The following DMXL1 variants were observed in gnomAD, a reference collection of about 807,000 sequenced individuals.
The protein encoded by DMXL1 is dmX-like protein 1.
DMXL1 carries 99 observed loss-of-function variants against 319.2 expected under a neutral mutation model. The ratio of observed to expected loss-of-function variants is 0.31; its 90% CI spans 0.26 to 0.37. The LOEUF (loss-of-function observed/expected upper bound fraction) is 0.37, where lower values mean the gene tolerates loss of function less well. DMXL1 is among the 10% of genes least tolerant of loss of function. DMXL1 has a pLI of 1.00. For synonymous variants in DMXL1, 1,385 were observed against 1,235.2 expected (o/e 1.12, Z -2.54); for missense variants, 3,745 against 3,595.6 (o/e 1.04, Z -1.06).
intron 1 of DMXL1, among the ~76,000 whole-genome samples, chr5:119,088,594 A>C (rs981689515): frequency 6.6e-6 from 1 of 152,120 alleles, no homozygotes; most frequent in Non-Finnish European, 1.5e-5. Flanking sequence ...CTTTGTGGTT[A>C]AATGCTCTTC....
chr5:119,240,667 AG>A (rs1414331492), intron 42 of DMXL1, among the ~76,000 whole-genome samples, 196 bp downstream of exon 42: 1 of 152,196 alleles, frequency 6.6e-6, no homozygotes, highest in Admixed American at 6.5e-5. Flanking sequence ...GATGGGGGAC[AG>A]TGAGACATCG....
intron 38 of DMXL1, among the ~76,000 whole-genome samples, chr5:119,230,432 T>G (rs1786462866): frequency 6.6e-6 from 1 of 152,238 alleles, no homozygotes. Flanking sequence ...TATTAAAAAT[T>G]AATTTTGACA....
At chr5:119,238,406 T>C (rs1020445599) in intron 40 of DMXL1, among the ~76,000 whole-genome samples, 1 of 152,122 alleles carries the variant, frequency 6.6e-6, no homozygotes, top group Non-Finnish European at 1.5e-5. Context: ...ACCTCATAAT[T>C]AAGTGTACTG....
In DMXL1 at chr5:119,121,030, G is replaced by A. The variant is rs201572406; in HGVS notation, c.993G>A (p.Thr331=). 2.7e-5 allele frequency: 44 copies of A among 1,613,344 alleles called. No individual in the cohort carries two copies. Among genetic ancestry groups the A allele is most frequent in the South Asian group, 6.6e-5 (6 of 90,990 alleles). ...RRRSLALVAH[T]GYLPHQQDPH... ...GATCACTTGCTCTTGTAGCACATACGGGATATCTACCACATCAGCAGGATC... is the reference window on the plus strand; with the variant it reads ...GATCACTTGCTCTTGTAGCACATACAGGATATCTACCACATCAGCAGGATC... Residue 331 remains threonine (T), a synonymous_variant, in exon 9 of 44, where the codon ACG becomes ACA. Transcript: ENST00000539542.
chr5:119,129,189 T>G, intron 9 of DMXL1, 22 bp from the exon 10 acceptor site: 1 of 1,486,332 alleles, frequency 6.7e-7, no homozygotes, highest in African/African-American at 1.4e-5. Context: ...AATTTTAATT[T>G]TATCTTTTTT....
At chr5:119,155,954 A>G (rs548344687) in intron 19 of DMXL1, among the ~76,000 whole-genome samples, 1 of 152,310 alleles carries the variant, frequency 6.6e-6, no homozygotes, top group African/African-American at 2.4e-5. Flanking sequence ...TTGAAATGAC[A>G]ACAAAGGATT....
intron 34 of DMXL1, among the ~76,000 whole-genome samples, chr5:119,215,969 G>A (rs1335066978): frequency 6.6e-6 from 1 of 151,700 alleles, no homozygotes; most frequent in Non-Finnish European, 1.5e-5. Flanking sequence ...GGTGGCAGGT[G>A]CCTGTAATCC....
At chr5:119,218,711 G>A (rs1784131053) in intron 35 of DMXL1, among the ~76,000 whole-genome samples, 1 of 152,058 alleles carries the variant, frequency 6.6e-6, no homozygotes, top group Non-Finnish European at 1.5e-5. Flanking sequence ...CGCCTGCCTC[G>A]GCCTCCCAAA....
chr5:119,173,608 C>T (rs929757292), intron 25 of DMXL1, among the ~76,000 whole-genome samples: 3 of 150,194 alleles, frequency 2.0e-5, no homozygotes, highest in African/African-American at 7.4e-5. Context: ...TGTATCTCAT[C>T]CTCCAGCAGG....
At chr5:119,071,705 CATT>C in intron 1 of DMXL1, 49 bp downstream of exon 1, 1 of 1,486,352 alleles carries the variant, frequency 6.7e-7, no homozygotes, top group Non-Finnish European at 9.1e-7. Context: ...CTTTGCCCGT[CATT>C]CTGGGCCGAG....
In DMXL1 at chr5:119,220,990, A is replaced by C; in HGVS notation, c.8186A>C (p.Gln2729Pro). ...IHARDDLTAV[Q>P]GTTPYTHSNP... ...GCTCGTGATGATTTAACAGCTGTTC[A>C]AGGTACAACTCCATATACACATAGC... The change falls in exon 37 of 44, where the codon CAA becomes CCA. Residue 2729 changes from glutamine (Q) to proline (P), a missense_variant. Coordinates refer to ENST00000539542, the MANE Select transcript of DMXL1 (RefSeq NM_001290321.3). 2 of 1,613,852 alleles carry C rather than the reference A, an allele frequency of 1.2e-6. No individual in the cohort carries two copies. The highest frequency in any genetic ancestry group is 8.5e-7 in the Non-Finnish European group (1 of 1,179,794).
At chr5:119,209,440 C>T (rs1782353403) in intron 34 of DMXL1, among the ~76,000 whole-genome samples, 1 of 151,602 alleles carries the variant, frequency 6.6e-6, no homozygotes, top group South Asian at 2.1e-4. Context: ...GCCTTGACCT[C>T]CTGGGCTCAA....
In DMXL1 at chr5:119,143,836, A is replaced by C; in HGVS notation, c.2377-5A>C. On this transcript the variant is annotated splice_region_variant and splice_polypyrimidine_tract_variant and intron_variant, in intron 13 of 43. Coordinates refer to ENST00000539542, the MANE Select transcript of DMXL1 (RefSeq NM_001290321.3). Reference sequence around the variant, plus strand: ...GTAAATTATAAATTTTTTTAAAAAAAACAGAAATATGTTGGTGAAGTCTTT... The same window carrying C: ...GTAAATTATAAATTTTTTTAAAAAACACAGAAATATGTTGGTGAAGTCTTT... 1 of 1,555,860 alleles carries C rather than the reference A, an allele frequency of 6.4e-7. No homozygotes were observed. The highest frequency in any genetic ancestry group is 8.7e-7 in the Non-Finnish European group (1 of 1,154,682).
At position 119,233,322 on chromosome 5, in the gene DMXL1, TGCCC is replaced by T; in HGVS notation, c.8339-17_8339-14del. 6.3e-7 allele frequency: 1 copy of T among 1,595,052 alleles called. No individual in the cohort carries two copies. The highest frequency in any genetic ancestry group is 1.2e-5 in the South Asian group (1 of 86,674). ...ATTCTTGAAATAAATCTGCAATTTT[TGCCC>T]TCTTGTAATGCAGATCTGACAGGAG... On this transcript the variant is annotated splice_polypyrimidine_tract_variant and intron_variant, in intron 38 of 43. Transcript: ENST00000539542.
At chr5:119,178,311 A>G (rs1776197577) in intron 28 of DMXL1, 67 bp downstream of exon 28, 1 of 1,500,704 alleles carries the variant, frequency 6.7e-7, no homozygotes, top group Non-Finnish European at 9.0e-7. Context: ...CTCAAACGTA[A>G]TTACATTTTA....
chr5:119,086,297 G>A (rs995605351), intron 1 of DMXL1, among the ~76,000 whole-genome samples: 1 of 152,146 alleles, frequency 6.6e-6, no homozygotes, highest in Admixed American at 6.5e-5. Context: ...ACAACACATG[G>A]AAATTATGGG....
At chr5:119,211,953 C>A (rs895254294) in intron 34 of DMXL1, among the ~76,000 whole-genome samples, 1 of 152,150 alleles carries the variant, frequency 6.6e-6, no homozygotes, top group African/African-American at 2.4e-5. Context: ...TGGTGTTAAT[C>A]TATTGTAACT....
chr5:119,229,295 TAAAAC>T (rs1786210005), intron 38 of DMXL1, among the ~76,000 whole-genome samples: 1 of 152,096 alleles, frequency 6.6e-6, no homozygotes, highest in African/African-American at 2.4e-5. Flanking sequence ...ATTATCTTGA[TAAAAC>T]AAAATCTCGA....
intron 29 of DMXL1, among the ~76,000 whole-genome samples, chr5:119,192,389 G>T (rs1383157760): frequency 6.6e-6 from 1 of 152,016 alleles, no homozygotes; most frequent in Non-Finnish European, 1.5e-5. Flanking sequence ...ATGTGCTTTA[G>T]TATCTCCCAT....
Sources: allele counts gnomAD v4.1 joint callset (sites outside exome capture counted in the v4.1 genomes callset), GRCh38; gene constraint gnomAD v4.1.1; transcripts MANE v1.5; gene names NCBI Gene and HGNC (gene_info 2026-07-23, HGNC 2026-07-21).